Variants in WDR72 observed in about 807,000 individuals in gnomAD.
WDR72 encodes the protein WD repeat domain 72.
In WDR72, 120 loss-of-function variants were observed where a neutral mutation model predicts 124.2. The ratio of observed to expected loss-of-function variants is 0.97; its 90% CI spans 0.83 to 1.12. The LOEUF (loss-of-function observed/expected upper bound fraction) is 1.12. Ranked by LOEUF, WDR72 falls within the 50% of genes most tolerant of loss-of-function variation. The probability of loss-of-function intolerance (pLI) is 0.00; values close to 1 mark genes in which losing one functional copy is unlikely to be tolerated. For synonymous variants in WDR72, 452 were observed against 441.7 expected (o/e 1.02, Z -0.29); for missense variants, 1,387 against 1,278.8 (o/e 1.08, Z -1.29).
At chr15:53,616,656 T>A (rs1009284195) in intron 14 of WDR72, among the ~76,000 whole-genome samples, 1 of 151,952 alleles carries the variant, frequency 6.6e-6, no homozygotes, top group African/African-American at 2.4e-5. Context: ...ACAAAAATGG[T>A]GCTTCCAAAT....
intron 18 of WDR72, among the ~76,000 whole-genome samples, chr15:53,545,169 G>C (rs1032434854): frequency 6.6e-6 from 1 of 151,116 alleles, no homozygotes; most frequent in Non-Finnish European, 1.5e-5. Flanking sequence ...CTACTTTAAA[G>C]TTCATGTGGA....
intron 13 of WDR72, among the ~76,000 whole-genome samples, chr15:53,675,110 C>T (rs956149456): frequency 1.1e-4 from 16 of 151,990 alleles, no homozygotes; most frequent in African/African-American, 3.1e-4. Flanking sequence ...TTTGGGAGGC[C>T]GAAGCAGGCG....
chr15:53,589,298 G>A (rs567435401), intron 18 of WDR72, among the ~76,000 whole-genome samples: 1 of 151,584 alleles, frequency 6.6e-6, no homozygotes, highest in African/African-American at 2.4e-5. Context: ...TTGTATTCAC[G>A]AATTTCAGTT....
intron 18 of WDR72, among the ~76,000 whole-genome samples, chr15:53,549,061 C>T (rs922003623): frequency 5.3e-5 from 8 of 152,112 alleles, no homozygotes; most frequent in East Asian, 1.9e-4. Context: ...GTATGGATGA[C>T]GTTTATTTAT....
chr15:53,603,911 C>T (rs1027327998), intron 17 of WDR72, among the ~76,000 whole-genome samples: 1 of 151,790 alleles, frequency 6.6e-6, no homozygotes, highest in Non-Finnish European at 1.5e-5. Context: ...TACTGCCTAG[C>T]AATTCACAGT....
chr15:53,569,542 G>A (rs1404025499), intron 18 of WDR72, among the ~76,000 whole-genome samples: 1 of 152,060 alleles, frequency 6.6e-6, no homozygotes, highest in Admixed American at 6.6e-5. Flanking sequence ...ACCACCCATT[G>A]AAGTCAGGAG....
At chr15:53,702,805 C>T (rs2017224915) in intron 11 of WDR72, among the ~76,000 whole-genome samples, 1 of 152,148 alleles carries the variant, frequency 6.6e-6, no homozygotes, top group East Asian at 1.9e-4. Context: ...GCTACCAATT[C>T]CAGCGTCACT....
chr15:53,699,057 C>G (rs935609200), intron 13 of WDR72, among the ~76,000 whole-genome samples: 5 of 151,992 alleles, frequency 3.3e-5, no homozygotes, highest in African/African-American at 9.7e-5. Flanking sequence ...TTAATAACAC[C>G]CAACATAAAA....
chr15:53,608,785 T>TAA (rs61501258), intron 17 of WDR72, among the ~76,000 whole-genome samples: 6 of 149,802 alleles, frequency 4.0e-5, no homozygotes, highest in South Asian at 2.1e-4. Flanking sequence ...AATAAATAAA[T>TAA]ATAAAAATAA....
intron 14 of WDR72, among the ~76,000 whole-genome samples, chr15:53,652,392 C>A (rs1490825984): frequency 6.6e-6 from 1 of 152,106 alleles, no homozygotes; most frequent in Non-Finnish European, 1.5e-5. Context: ...CCTCTCTTCT[C>A]CTCTGATGAG....
chr15:53,548,054 A>G (rs1032081124), intron 18 of WDR72, among the ~76,000 whole-genome samples: 10 of 152,220 alleles, frequency 6.6e-5, no homozygotes, highest in African/African-American at 1.4e-4. Flanking sequence ...TGTCTGCCAT[A>G]TAAGTCTATG....
rs536213609 is a variant in WDR72, at chr15:53,676,867, A to T, written c.1766-11099T>A. Among the ~76,000 whole-genome samples the T allele has an allele frequency of 3.3e-5, 5 of 152,040 alleles. No individual in the cohort carries two copies. The South Asian group carries it at 8.3e-4, about 25-fold the overall frequency. ...TGGCAGTACTTTTACTCAGAACAAC[A>T]TATTTAGATTTCAAATATTTTAGTC... On this transcript the variant is annotated intron_variant, in intron 13 of 19. Transcript: ENST00000360509.
intron 18 of WDR72, among the ~76,000 whole-genome samples, chr15:53,571,036 T>C (rs1481108675): frequency 6.6e-6 from 1 of 152,044 alleles, no homozygotes; most frequent in South Asian, 2.1e-4. Flanking sequence ...ACAAATTAAC[T>C]CAAACAGAAA....
chr15:53,760,720 A>G (rs1396549012), upstream of WDR72, among the ~76,000 whole-genome samples: 1 of 152,172 alleles, frequency 6.6e-6, no homozygotes, highest in Non-Finnish European at 1.5e-5. Flanking sequence ...GCTGGATCAT[A>G]TGGTAGTTCT....
At chr15:53,608,641 AGT>A (rs1439933006) in intron 17 of WDR72, among the ~76,000 whole-genome samples, 4 of 152,012 alleles carry the variant, frequency 2.6e-5, no homozygotes, top group Non-Finnish European at 5.9e-5. Flanking sequence ...CTGTAGTTCC[AGT>A]TACTCAGGAG....
Position 53,616,114 on chromosome 15 carries a change from G to A in WDR72, c.2092C>T (p.Leu698Phe). 4 of 1,604,980 alleles carry A rather than the reference G, an allele frequency of 2.5e-6. No individual in the cohort carries two copies. In the South Asian group the frequency reaches 4.4e-5, roughly 18 times the overall value. ...GAACTGGAAGAGTCAACATCACTGAGTGGAGTTGGTAGCAAAAGTTCAACA... is the reference window on the plus strand; with the variant it reads ...GAACTGGAAGAGTCAACATCACTGAATGGAGTTGGTAGCAAAAGTTCAACA... ...NLVELLLPTP[L>F]SDVDSSSSFY... Residue 698 changes from leucine to phenylalanine, a missense_variant, in exon 15 of 20, where the codon CTC becomes TTC. Leu to Phe is a conservative substitution (Grantham distance 22, BLOSUM62 0). Transcript: ENST00000360509.
intron 14 of WDR72, among the ~76,000 whole-genome samples, chr15:53,655,259 A>AAAAAAAAAAAAAAAAAAAAAAAAAAG (rs1489415634): frequency 8.4e-6 from 1 of 119,504 alleles, no homozygotes. Flanking sequence ...AAAAAAAAAA[A>AAAAAAAAAAAAAAAAAAAAAAAAAAG]AGAGATCTTA....
intron 16 of WDR72, among the ~76,000 whole-genome samples, chr15:53,611,901 T>C (rs981809147): frequency 5.3e-5 from 8 of 152,244 alleles, no homozygotes; most frequent in Middle Eastern, 3.4e-3. Flanking sequence ...GAAAATACTC[T>C]TTTCAACAGT....
At chr15:53,580,549 G>A (rs555846639) in intron 18 of WDR72, among the ~76,000 whole-genome samples, 30 of 152,054 alleles carry the variant, frequency 2.0e-4, no homozygotes, top group African/African-American at 6.0e-4. Flanking sequence ...ATTCCTCTTC[G>A]TGCTTCAGCA....
Sources: gnomAD v4.1 joint callset for allele counts (sites outside exome capture counted in the v4.1 genomes callset) on GRCh38, gnomAD v4.1.1 for gene constraint, MANE v1.5 for transcripts, NCBI Gene and HGNC (gene_info 2026-07-23, HGNC 2026-07-21) for gene names.